The following LIN54 variants were observed in gnomAD, a reference collection of about 807,000 sequenced individuals.
LIN54 encodes the protein protein lin-54 homolog.
Under a neutral mutation model 78.7 loss-of-function variants are expected in LIN54, and 9 were observed. That is an observed-to-expected ratio of 0.11 (90% CI 0.07 to 0.20). The LOEUF (loss-of-function observed/expected upper bound fraction) is 0.20. Among genes scored for constraint, LIN54 ranks in the 10% least tolerant of loss-of-function variants. The probability of loss-of-function intolerance (pLI) is 1.00; values close to 1 mark genes in which losing one functional copy is unlikely to be tolerated. For missense variants in LIN54, 573 were observed against 889.9 expected, an observed-to-expected ratio of 0.64 and a Z score of 4.53; for synonymous variants, 269 against 318.4, an observed-to-expected ratio of 0.84 and a Z score of 1.65.
intron 12 of LIN54, among the ~76,000 whole-genome samples, chr4:82,929,781 G>A (rs902871813): frequency 6.6e-6 from 1 of 151,962 alleles, no homozygotes; most frequent in African/African-American, 2.4e-5. Flanking sequence ...ACACCAGCCT[G>A]GGCAACAGAG....
At chr4:82,992,604 C>T (rs991698969) in intron 1 of LIN54, among the ~76,000 whole-genome samples, 2 of 152,202 alleles carry the variant, frequency 1.3e-5, no homozygotes, top group East Asian at 1.9e-4. Flanking sequence ...AAGCAAACCA[C>T]GACACAGTGG....
intron 3 of LIN54, among the ~76,000 whole-genome samples, chr4:82,976,599 T>G (rs997233516): frequency 6.6e-6 from 1 of 151,868 alleles, no homozygotes; most frequent in Non-Finnish European, 1.5e-5. Flanking sequence ...TCCCAGCTAC[T>G]CGGGAGGCTG....
At chr4:82,941,149 G>GATATATATATAGATATAT (rs1553947747) in intron 5 of LIN54, among the ~76,000 whole-genome samples, 5 of 131,130 alleles carry the variant, frequency 3.8e-5, no homozygotes, top group African/African-American at 1.2e-4. Context: ...GAGTTAAGAG[G>GATATATATATAGATATAT]ATATATATAT....
chr4:82,975,661 G>A (rs930415965), intron 3 of LIN54, among the ~76,000 whole-genome samples: 6 of 151,446 alleles, frequency 4.0e-5, no homozygotes, highest in African/African-American at 9.7e-5. Context: ...GCAGTGAGCC[G>A]AGATCGCGCC....
intron 11 of LIN54, among the ~76,000 whole-genome samples, chr4:82,932,495 T>A (rs888411516): frequency 6.6e-6 from 1 of 151,622 alleles, no homozygotes; most frequent in African/African-American, 2.4e-5. Context: ...CTTTCCCACA[T>A]TCCCTCCAAC....
intron 5 of LIN54, among the ~76,000 whole-genome samples, chr4:82,941,149 GATATATATATAT>G (rs3081913): frequency 2.9e-4 from 38 of 131,144 alleles, no homozygotes; most frequent in South Asian, 2.1e-3. Flanking sequence ...GAGTTAAGAG[GATATATATATAT>G]ATATATATAT....
At chr4:82,977,343 C>T (rs533036295) in intron 3 of LIN54, among the ~76,000 whole-genome samples, 1 of 152,276 alleles carries the variant, frequency 6.6e-6, no homozygotes, top group Admixed American at 6.5e-5. Context: ...CTTCCTAAAT[C>T]AGCTCCAAAC....
Position 83,010,769 on chromosome 4 carries a change from A to G in LIN54, c.-318T>C. On this transcript the variant is annotated 5_prime_UTR_variant, in exon 1 of 13. Transcript: ENST00000340417. ...CACCTCGTCATCACCATCACAGCTC[A>G]GCAGCTTCCCCGACAGCCGGAGCCC... is the stretch of plus-strand genomic sequence containing the variant. 1 of 1,233,276 alleles carries G rather than the reference A, an allele frequency of 8.1e-7. No individual in the cohort carries two copies. The highest frequency in any genetic ancestry group is 1.0e-6 in the Non-Finnish European group (1 of 989,346). 76.4% of individuals were successfully genotyped at this position (1,233,276 alleles called of 1,614,324 possible).
chr4:82,946,587 C>G, intron 4 of LIN54, 113 bp from the exon 5 acceptor site: 1 of 802,310 alleles, frequency 1.2e-6, no homozygotes, highest in Non-Finnish European at 2.0e-6. Context: ...GCATCAAAAG[C>G]TGCTGAAAGG....
chr4:83,010,569 T>C lies in LIN54; in HGVS notation c.-118A>G. On this transcript the variant is annotated 5_prime_UTR_variant, in exon 1 of 13. Coordinates refer to ENST00000340417, the MANE Select transcript of LIN54 (RefSeq NM_194282.4). ...GGGCAATCCCGAGCCCCGGCGGGGC[T>C]TGTTTTGCCCGTGCACGATAGCTCT... is the stretch of plus-strand genomic sequence containing the variant. The C allele has an allele frequency of 8.2e-7, 1 of 1,215,410 alleles. No homozygotes were observed. The highest frequency in any genetic ancestry group is 1.0e-6 in the Non-Finnish European group (1 of 977,810). The allele number at this position is 1,215,410 out of a possible 1,614,324, so 75.3% of individuals were successfully genotyped here.
intron 4 of LIN54, among the ~76,000 whole-genome samples, chr4:82,965,520 T>C (rs942427640): frequency 2.0e-5 from 3 of 152,182 alleles, no homozygotes; most frequent in Admixed American, 6.5e-5. Flanking sequence ...TATCACTTAA[T>C]AGGTCTGCAG....
upstream of LIN54, chr4:83,012,743 CT>C: frequency 6.6e-6 from 1 of 152,116 alleles, no homozygotes; most frequent in Non-Finnish European, 1.5e-5. Context: ...CCGGTTCCCC[CT>C]TCCCGCCAGC....
At chr4:83,004,681 T>C (rs1729190745) in intron 1 of LIN54, among the ~76,000 whole-genome samples, 1 of 146,822 alleles carries the variant, frequency 6.8e-6, no homozygotes, top group South Asian at 2.1e-4. Flanking sequence ...GTATTTGTTG[T>C]AGAGACAAGG....
At chr4:82,983,268 C>T (rs530302665) in intron 2 of LIN54, among the ~76,000 whole-genome samples, 1 of 152,178 alleles carries the variant, frequency 6.6e-6, no homozygotes, top group South Asian at 2.1e-4. Context: ...CTCAGCCTGC[C>T]AAAGTGCTGG....
intron 4 of LIN54, among the ~76,000 whole-genome samples, chr4:82,958,115 T>C (rs1246641068): frequency 6.6e-6 from 1 of 152,236 alleles, no homozygotes; most frequent in African/African-American, 2.4e-5. Context: ...AAATACTTGA[T>C]AGCCACTGAT....
chr4:82,947,372 A>G (rs907779547), intron 4 of LIN54, among the ~76,000 whole-genome samples: 1 of 148,430 alleles, frequency 6.7e-6, no homozygotes, highest in Non-Finnish European at 1.5e-5. Flanking sequence ...ACGTAGGACC[A>G]CAGGTACCAC....
At chr4:82,928,482 G>A (rs369875961) in intron 12 of LIN54, among the ~76,000 whole-genome samples, 179 bp from the exon 13 acceptor site, 1 of 152,070 alleles carries the variant, frequency 6.6e-6, no homozygotes, top group African/African-American at 2.4e-5. Flanking sequence ...AGTTAAATTT[G>A]GTTTTATTCA....
intron 1 of LIN54, among the ~76,000 whole-genome samples, chr4:82,998,551 A>G (rs1728451504): frequency 6.6e-6 from 1 of 150,456 alleles, no homozygotes; most frequent in African/African-American, 2.4e-5. Context: ...GAAAAGAAAG[A>G]AAGGAAGGAA....
intron 2 of LIN54, among the ~76,000 whole-genome samples, chr4:82,979,967 T>G (rs374252161): frequency 3.0e-5 from 2 of 65,844 alleles, no homozygotes; most frequent in Non-Finnish European, 3.7e-5. Context: ...AAAAAAAAAA[T>G]ACTGGGTCTC....
Sources: gnomAD v4.1 joint callset for allele counts (sites outside exome capture counted in the v4.1 genomes callset) on GRCh38, gnomAD v4.1.1 for gene constraint, MANE v1.5 for transcripts, NCBI Gene and HGNC (gene_info 2026-07-23, HGNC 2026-07-21) for gene names.